R3HDM2: variants seen among roughly 807,000 people sequenced by gnomAD.
R3HDM2 encodes the protein R3H domain containing 2, also known as R3H domain-containing protein 2.
R3HDM2 carries 38 observed loss-of-function variants against 124.5 expected under a neutral mutation model. The observed-to-expected ratio is 0.31, with a 90% confidence interval of 0.24 to 0.40. R3HDM2 has a LOEUF of 0.40. Among genes scored for constraint, R3HDM2 ranks in the 10% least tolerant of loss-of-function variants. The probability of loss-of-function intolerance (pLI) is 1.00; values close to 1 mark genes in which losing one functional copy is unlikely to be tolerated. For missense variants in R3HDM2, 869 were observed against 1,236.9 expected, an observed-to-expected ratio of 0.70 and a Z score of 4.46; for synonymous variants, 391 against 448.0, an observed-to-expected ratio of 0.87 and a Z score of 1.61.
intron 1 of R3HDM2, among the ~76,000 whole-genome samples, chr12:57,415,749 C>T (rs1196741841): frequency 2.0e-5 from 3 of 152,096 alleles, no homozygotes; most frequent in African/African-American, 7.2e-5. Context: ...ACAACATCAC[C>T]TGGGTAGTAT....
intron 2 of R3HDM2, among the ~76,000 whole-genome samples, chr12:57,372,893 T>C (rs547281468): frequency 6.6e-6 from 1 of 152,342 alleles, no homozygotes; most frequent in Admixed American, 6.5e-5. Context: ...ATGATTATGG[T>C]CTTCCCAGAT....
intron 2 of R3HDM2, chr12:57,341,268 A>AC (rs1566251428): frequency 3.1e-6 from 1 of 323,380 alleles, no homozygotes; most frequent in East Asian, 1.7e-4. Context: ...CTTCGGTCTG[A>AC]CCCTATTTTA....
chr12:57,300,215 T>A (rs1339086212), intron 4 of R3HDM2, 34 bp from the exon 5 acceptor site: 27 of 1,493,850 alleles, frequency 1.8e-5, no homozygotes, highest in African/African-American at 8.4e-5. Context: ...TCAATTTTTT[T>A]AATGTATCTT....
intron 2 of R3HDM2, among the ~76,000 whole-genome samples, chr12:57,364,597 C>T (rs2062373493): frequency 6.6e-6 from 1 of 152,092 alleles, no homozygotes; most frequent in Admixed American, 6.6e-5. Context: ...CTCATATGAT[C>T]TTTGCTTGGT....
At chr12:57,385,107 T>TC (rs1420781465) in intron 2 of R3HDM2, among the ~76,000 whole-genome samples, 1 of 151,774 alleles carries the variant, frequency 6.6e-6, no homozygotes, top group Non-Finnish European at 1.5e-5. Context: ...TATCACAAGA[T>TC]CGAGCCACTG....
chr12:57,344,867 C>G (rs921667598), intron 2 of R3HDM2, among the ~76,000 whole-genome samples: 4 of 151,450 alleles, frequency 2.6e-5, no homozygotes, highest in Admixed American at 2.6e-4. Context: ...GCTCTTGTTG[C>G]CCAGGTTGGA....
intron 2 of R3HDM2, among the ~76,000 whole-genome samples, chr12:57,381,095 G>A (rs2064803648): frequency 6.6e-6 from 1 of 152,078 alleles, no homozygotes. Flanking sequence ...GTCGAGCGTG[G>A]TGGTGCACAC....
Position 57,407,689 on chromosome 12 carries a change from G to A in R3HDM2, c.-105-11871C>T, listed in dbSNP as rs189532574. Among the ~76,000 whole-genome samples the A allele has an allele frequency of 4.3e-3, 650 of 152,232 alleles. 3 individuals are homozygous for A. Among genetic ancestry groups the A allele is most frequent in the Admixed American group, 4.4e-3 (67 of 15,268 alleles). ...CAAAGTGCTGGGATTACAGGCATGA[G>A]CCACCACACCCAGCCTGGAATTATT... On this transcript the variant is annotated intron_variant, in intron 1 of 23. Coordinates refer to ENST00000402412, the MANE Select transcript of R3HDM2 (RefSeq NM_001394031.1).
intron 3 of R3HDM2, among the ~76,000 whole-genome samples, chr12:57,307,961 C>T (rs1254438813): frequency 3.3e-5 from 5 of 152,058 alleles, no homozygotes; most frequent in African/African-American, 4.8e-5. Context: ...GCTCCACCTG[C>T]TCTACCAGCA....
At chr12:57,417,892 G>A (rs2069804744) in intron 1 of R3HDM2, among the ~76,000 whole-genome samples, 1 of 152,092 alleles carries the variant, frequency 6.6e-6, no homozygotes, top group East Asian at 1.9e-4. Flanking sequence ...AATGCTATCA[G>A]GCCAGGAGTG....
chr12:57,386,387 G>C (rs563998798), intron 2 of R3HDM2, among the ~76,000 whole-genome samples: 4 of 152,344 alleles, frequency 2.6e-5, no homozygotes, highest in East Asian at 1.9e-4. Context: ...GAGTGGGCTC[G>C]GCAGGCTCCG....
intron 1 of R3HDM2, chr12:57,415,493 A>G (rs551945315): frequency 2.0e-5 from 3 of 152,182 alleles, no homozygotes; most frequent in Non-Finnish European, 4.4e-5. Flanking sequence ...GGAGGAAAAG[A>G]GACCCAAAAT....
At chr12:57,313,352 G>A (rs1169224168) in intron 2 of R3HDM2, among the ~76,000 whole-genome samples, 2 of 151,930 alleles carry the variant, frequency 1.3e-5, no homozygotes, top group Non-Finnish European at 2.9e-5. Flanking sequence ...TTGAGCCCAG[G>A]AGTTCTAGAC....
chr12:57,256,307 A>T (rs1242816546), intron 22 of R3HDM2, 107 bp downstream of exon 22: 7 of 1,039,032 alleles, frequency 6.7e-6, no homozygotes, highest in Non-Finnish European at 9.8e-6. Flanking sequence ...TGCTTTGTTC[A>T]TTCTGTGTTA....
At chr12:57,307,626 CTTTTT>C (rs1019477707) in intron 3 of R3HDM2, among the ~76,000 whole-genome samples, 1 of 103,708 alleles carries the variant, frequency 9.6e-6, no homozygotes. Flanking sequence ...CAGCCATGCT[CTTTTT>C]TTTTTTTTTT....
chr12:57,270,116 T>A (rs1283505166), intron 14 of R3HDM2, 122 bp from the exon 15 acceptor site: 1 of 1,197,596 alleles, frequency 8.4e-7, no homozygotes, highest in East Asian at 2.3e-5. Context: ...TGGGGGATAG[T>A]CCTACCTCTG....
At chr12:57,382,391 C>T (rs1012478706) in intron 2 of R3HDM2, among the ~76,000 whole-genome samples, 2 of 151,634 alleles carry the variant, frequency 1.3e-5, no homozygotes, top group Non-Finnish European at 2.9e-5. Context: ...GAATTATAGG[C>T]ATGCACCAAC....
intron 2 of R3HDM2, among the ~76,000 whole-genome samples, chr12:57,357,845 A>G (rs919645791): frequency 6.6e-5 from 10 of 151,910 alleles, no homozygotes; most frequent in African/African-American, 2.4e-4. Context: ...AAATTTTTCC[A>G]TATCATGTTC....
chr12:57,269,565 G>A, intron 15 of R3HDM2, 116 bp from the exon 16 acceptor site: 8 of 1,474,714 alleles, frequency 5.4e-6, no homozygotes, highest in Non-Finnish European at 7.3e-6. Flanking sequence ...GAGATATTTT[G>A]GACCTGCAAT....
Sources: gnomAD v4.1 joint callset for allele counts (sites outside exome capture counted in the v4.1 genomes callset) on GRCh38, gnomAD v4.1.1 for gene constraint, MANE v1.5 for transcripts, NCBI Gene and HGNC (gene_info 2026-07-23, HGNC 2026-07-21) for gene names.